RNF123: variants seen among roughly 807,000 people sequenced by gnomAD.
RNF123 encodes ring finger protein 123, also known as E3 ubiquitin-protein ligase RNF123.
RNF123 carries 86 observed loss-of-function variants against 168.5 expected under a neutral mutation model. That is an observed-to-expected ratio of 0.51 (90% CI 0.43 to 0.61). The LOEUF (loss-of-function observed/expected upper bound fraction) is 0.61, where lower values mean the gene tolerates loss of function less well. Ranked by LOEUF, RNF123 falls within the 20% of genes least tolerant of loss-of-function variation. The pLI is 0.00. For synonymous variants in RNF123, 666 were observed against 689.1 expected (o/e 0.97, Z 0.52); for missense variants, 1,419 against 1,729.7 (o/e 0.82, Z 3.19).
Position 49,700,686 on chromosome 3 carries a change from C to T in RNF123, c.1254C>T (p.Arg418=). 2 of 1,614,190 alleles carry T rather than the reference C, an allele frequency of 1.2e-6. No homozygotes were observed. The highest frequency in any genetic ancestry group is 1.7e-6 in the Non-Finnish European group (2 of 1,180,030). The change falls in exon 15 of 39, where the codon CGC becomes CGT. Residue 418 remains arginine, a synonymous_variant. Coordinates refer to ENST00000327697, the MANE Select transcript of RNF123 (RefSeq NM_022064.5). ...CCATCCTGAGGCATGAGAAGTCCCG[C>T]AAGTTTCTGCTTAGCAATGTCCTGT... The part of the protein sequence containing the change: ...TIAILRHEKS[R]KFLLSNVLFD...
Position 49,703,667 on chromosome 3 carries a change from A to C in RNF123, c.1852+139A>C. The C allele has an allele frequency of 4.7e-6, 3 of 636,722 alleles. No homozygotes were observed. In the South Asian group the frequency reaches 6.1e-5, roughly 13 times the overall value. 39.4% of individuals were successfully genotyped at this position (636,722 alleles called of 1,614,324 possible). On this transcript the variant is annotated intron_variant, in intron 21 of 38. Transcript: ENST00000327697. ...TCTTTCCACCCACTCAGGCAGGGAG[A>C]CACTGATCTGCCTGCCCTACATCTG...
chr3:49,704,622 CT>C, intron 21 of RNF123, 27 bp from the exon 22 acceptor site: 1 of 1,587,800 alleles, frequency 6.3e-7, no homozygotes, highest in Non-Finnish European at 8.6e-7. Flanking sequence ...CACCACTGGC[CT>C]GAGAACCCTC....
At position 49,700,656 on chromosome 3, in the gene RNF123, T is replaced by G. The variant is rs1309135128; in HGVS notation, c.1224T>G (p.Thr408=). The change falls in exon 15 of 39, where the codon ACT becomes ACG. Residue 408 remains threonine, a synonymous_variant. Transcript: ENST00000327697. ...LGLQIHYLRL[T]IAILRHEKSR... ...CACAGATCCATTACCTGCGGCTCAC[T>G]ATCGCCATCCTGAGGCATGAGAAGT... The G allele has an allele frequency of 6.2e-7, 1 of 1,614,208 alleles. No individual in the cohort carries two copies. The highest frequency in any genetic ancestry group is 1.7e-5 in the Admixed American group (1 of 60,030).
intron 24 of RNF123, 80 bp from the exon 25 acceptor site, chr3:49,705,902 C>A: frequency 6.6e-7 from 1 of 1,521,564 alleles, no homozygotes; most frequent in Non-Finnish European, 9.1e-7. Context: ...CTTGGCAGGG[C>A]TGGGGTCCAG....
intron 35 of RNF123, chr3:49,717,941 C>T (rs779175999): frequency 2.2e-5 from 35 of 1,607,242 alleles, no homozygotes; most frequent in Non-Finnish European, 2.7e-5. Flanking sequence ...GTGGGGGAGC[C>T]CTGGGCAGTC....
In RNF123 at chr3:49,700,295, C is replaced by T; in HGVS notation, c.1053C>T (p.Pro351=). The T allele has an allele frequency of 3.1e-6, 5 of 1,614,210 alleles. No homozygotes were observed. Among genetic ancestry groups the T allele is most frequent in the Non-Finnish European group, 4.2e-6 (5 of 1,180,030 alleles). ...TGGGCATCGTGGAGAAGGGCACACC[C>T]ACACAGGCACAGTCCGTGGTGCACC... The part of the protein sequence containing the change: ...FLLGIVEKGT[P]TQAQSVVHQV... The change falls in exon 13 of 39, where the codon CCC becomes CCT. Residue 351 remains proline (P), a synonymous_variant. Transcript: ENST00000327697.
Position 49,702,738 on chromosome 3 carries a change from G to A in RNF123, c.1735G>A (p.Ala579Thr), listed in dbSNP as rs2054431554. 1.2e-6 allele frequency: 2 copies of A among 1,614,190 alleles called. No individual in the cohort carries two copies. Among genetic ancestry groups the A allele is most frequent in the Non-Finnish European group, 1.7e-6 (2 of 1,180,010 alleles). ...TGAATACAAGGCTTCCAATCCTCATGCTTCCTTCAGTGAGGGTGAGTGGCA... is the reference window on the plus strand; with the variant it reads ...TGAATACAAGGCTTCCAATCCTCATACTTCCTTCAGTGAGGGTGAGTGGCA... ...WDEYKASNPHASFSEEAYIPP... is the reference protein window; with the variant it reads ...WDEYKASNPHTSFSEEAYIPP... The change falls in exon 20 of 39, where the codon GCT (alanine) becomes ACT (threonine). Residue 579 changes from alanine (A) to threonine (T), a missense_variant. By Grantham distance (58) the Ala-to-Thr change is moderately conservative. Transcript: ENST00000327697.
chr3:49,705,816 G>A, intron 24 of RNF123, 137 bp downstream of exon 24: 3 of 1,478,286 alleles, frequency 2.0e-6, no homozygotes, highest in Non-Finnish European at 2.8e-6. Context: ...AGCGAGGCTG[G>A]TTTCTGCTCC....
At chr3:49,718,104 T>C in intron 35 of RNF123, 5 of 1,613,590 alleles carry the variant, frequency 3.1e-6, no homozygotes, top group Non-Finnish European at 4.2e-6. Flanking sequence ...CCAGAAAGAC[T>C]ACGTGCTTGT....
chr3:49,718,310 T>C (rs1238757379), intron 35 of RNF123: 3 of 1,613,086 alleles, frequency 1.9e-6, no homozygotes. Flanking sequence ...AGCAGTGTGG[T>C]GAAGCCTGTG....
chr3:49,717,443 C>T (rs1414443853), intron 35 of RNF123: 2 of 168,132 alleles, frequency 1.2e-5, no homozygotes, highest in South Asian at 1.3e-4. Flanking sequence ...CCTTCAGAGC[C>T]GCCTTCTTTT....
intron 35 of RNF123, chr3:49,718,217 G>GGCAGCGGCAGGCACGGCGGCA (rs750297345): frequency 1.6e-5 from 26 of 1,610,462 alleles, no homozygotes; most frequent in Middle Eastern, 1.6e-4. Context: ...GGCCAGCGGC[G>GGCAGCGGCAGGCACGGCGGCA]GCAGCGGCAG....
chr3:49,708,499 G>A (rs1196019848), intron 26 of RNF123, among the ~76,000 whole-genome samples: 1 of 143,120 alleles, frequency 7.0e-6, no homozygotes, highest in African/African-American at 2.5e-5. Flanking sequence ...TCTGGCCAGC[G>A]GCTCACAGAC....
chr3:49,713,687 G>T, intron 28 of RNF123, 51 bp from the exon 29 acceptor site: 1 of 1,572,580 alleles, frequency 6.4e-7, no homozygotes, highest in Non-Finnish European at 8.6e-7. Context: ...CATGAAGTAT[G>T]GGTCCAGGGC....
chr3:49,719,673 G>C (rs1018224222), intron 35 of RNF123: 1 of 556,796 alleles, frequency 1.8e-6, no homozygotes, highest in Non-Finnish European at 3.2e-6. Flanking sequence ...CTTCGGCTTC[G>C]CTAGCCCTCT....
At chr3:49,701,668 T>C in intron 16 of RNF123, 60 bp downstream of exon 16, 1 of 1,502,430 alleles carries the variant, frequency 6.7e-7, no homozygotes, top group Non-Finnish European at 9.3e-7. Context: ...CCTGGGCATC[T>C]GGCCACTGGG....
rs1434126402 is a variant in RNF123 at position 49,712,834 on chromosome 3, A to T, written c.2674+178A>T. 4.0e-6 allele frequency: 3 copies of T among 745,572 alleles called. No individual in the cohort carries two copies. In the South Asian group the frequency reaches 4.4e-5, roughly 11 times the overall value. The allele number at this position is 745,572 out of a possible 1,614,324, so 46.2% of individuals were successfully genotyped here. ...ACAAACGTCTGCACCCTGCCCTGGG[A>T]CCTGCAGCCACAGAGCCAACAGCTC... On this transcript the variant is annotated intron_variant, in intron 27 of 38. Coordinates refer to ENST00000327697, the MANE Select transcript of RNF123 (RefSeq NM_022064.5).
intron 24 of RNF123, 35 bp from the exon 25 acceptor site, chr3:49,705,947 G>A (rs1230653613): frequency 1.9e-6 from 3 of 1,594,224 alleles, no homozygotes; most frequent in Non-Finnish European, 1.7e-6. Flanking sequence ...AAGTGCCCAA[G>A]GGGCACTCTG....
At chr3:49,694,963 G>C (rs1200000219) in intron 3 of RNF123, among the ~76,000 whole-genome samples, 1 of 152,220 alleles carries the variant, frequency 6.6e-6, no homozygotes, top group Non-Finnish European at 1.5e-5. Context: ...ATCCAAAAAG[G>C]TCAGGGAAGT....
Sources: gnomAD v4.1 joint callset for allele counts (sites outside exome capture counted in the v4.1 genomes callset) on GRCh38, gnomAD v4.1.1 for gene constraint, MANE v1.5 for transcripts, NCBI Gene and HGNC (gene_info 2026-07-23, HGNC 2026-07-21) for gene names.